The following NTM variants were observed in gnomAD, a reference collection of about 807,000 sequenced individuals.
NTM encodes neurotrimin.
NTM carries 13 observed loss-of-function variants against 42.1 expected under a neutral mutation model. The ratio of observed to expected loss-of-function variants is 0.31; its 90% CI spans 0.20 to 0.49. NTM has a LOEUF of 0.49. NTM is among the 20% of genes least tolerant of loss of function. NTM has a pLI of 0.99. For missense variants in NTM, 373 were observed against 452.8 expected (o/e 0.82, Z 1.60); for synonymous variants, 187 against 179.2 (o/e 1.04, Z -0.35).
chr11:131,703,839 A>G (rs548109015), intron 1 of NTM, among the ~76,000 whole-genome samples: 33 of 152,296 alleles, frequency 2.2e-4, no homozygotes, highest in Non-Finnish European at 1.2e-4. Flanking sequence ...ACCCAACACC[A>G]GGACAGCTCC....
intron 2 of NTM, among the ~76,000 whole-genome samples, chr11:132,084,381 T>C (rs1187435838): frequency 1.3e-5 from 2 of 152,178 alleles, no homozygotes; most frequent in Non-Finnish European, 2.9e-5. Flanking sequence ...TTTTGTGACA[T>C]ATACTAATAT....
intron 7 of NTM, chr11:132,317,536 C>T: frequency 4.8e-6 from 2 of 418,942 alleles, no homozygotes; most frequent in Admixed American, 3.4e-5. Context: ...TTTATATAAT[C>T]CCCCAGAAAT....
intron 1 of NTM, among the ~76,000 whole-genome samples, chr11:131,601,958 A>G (rs2060523924): frequency 6.6e-6 from 1 of 152,242 alleles, no homozygotes. Context: ...ACAGGGTGCC[A>G]TATGGTTCAA....
intron 1 of NTM, among the ~76,000 whole-genome samples, chr11:131,905,077 C>T (rs1262595133): frequency 1.3e-5 from 2 of 152,196 alleles, no homozygotes; most frequent in African/African-American, 4.8e-5. Flanking sequence ...TCCTTCCAGT[C>T]CCAGCATGAG....
intron 1 of NTM, among the ~76,000 whole-genome samples, chr11:131,699,712 G>A (rs776672046): frequency 6.6e-6 from 1 of 152,110 alleles, no homozygotes; most frequent in Non-Finnish European, 1.5e-5. Flanking sequence ...GCAGGAAAGA[G>A]AAGTGCCAAG....
intron 3 of NTM, among the ~76,000 whole-genome samples, chr11:132,208,659 T>A (rs552110672): frequency 6.6e-6 from 1 of 152,238 alleles, no homozygotes; most frequent in East Asian, 1.9e-4. Context: ...ATTAGCAGAT[T>A]ACCTATCATG....
chr11:131,705,174 A>C (rs2076470583), intron 1 of NTM, among the ~76,000 whole-genome samples: 1 of 152,204 alleles, frequency 6.6e-6, no homozygotes, highest in Non-Finnish European at 1.5e-5. Context: ...CATGAGGCAC[A>C]TTATAGTTAA....
At chr11:131,497,459 T>C (rs1300725802) in intron 1 of NTM, among the ~76,000 whole-genome samples, 1 of 152,132 alleles carries the variant, frequency 6.6e-6, no homozygotes, top group African/African-American at 2.4e-5. Context: ...AGTGCTGGGA[T>C]TACAGACTTG....
chr11:131,678,673 C>G (rs977429241), intron 1 of NTM, among the ~76,000 whole-genome samples: 3 of 152,232 alleles, frequency 2.0e-5, no homozygotes, highest in African/African-American at 7.2e-5. Context: ...TTCCTCTTCT[C>G]CCATCTCTTT....
At position 131,915,882 on chromosome 11, in the gene NTM, C is replaced by T. The variant is rs562072204; in HGVS notation, c.167+4234C>T. Among the ~76,000 whole-genome samples the T allele has an allele frequency of 1.8e-4, 28 of 152,270 alleles. No individual in the cohort carries two copies. The South Asian group carries it at 3.1e-3, about 17-fold the overall frequency. ...TGATTCAATTATCTCCCACTGGGTCCCTCCCACAACACATAGGAATTATGG... is the reference window on the plus strand; with the variant it reads ...TGATTCAATTATCTCCCACTGGGTCTCTCCCACAACACATAGGAATTATGG... On this transcript the variant is annotated intron_variant, in intron 2 of 8. Coordinates refer to ENST00000683400, the MANE Select transcript of NTM (RefSeq NM_001352005.2).
At chr11:131,762,272 G>T (rs544548025) in intron 1 of NTM, among the ~76,000 whole-genome samples, 1 of 152,190 alleles carries the variant, frequency 6.6e-6, no homozygotes, top group African/African-American at 2.4e-5. Flanking sequence ...CCTTAGAAAA[G>T]TTCCTATGGT....
At chr11:131,448,192 C>T (rs186808128) in intron 1 of NTM, among the ~76,000 whole-genome samples, 1 of 152,364 alleles carries the variant, frequency 6.6e-6, no homozygotes, top group African/African-American at 2.4e-5. Flanking sequence ...CTGTCCTGCG[C>T]TGAAGCCGCT....
At chr11:132,306,961 G>A (rs1485952074) in intron 4 of NTM, among the ~76,000 whole-genome samples, 1 of 152,100 alleles carries the variant, frequency 6.6e-6, no homozygotes, top group African/African-American at 2.4e-5. Context: ...ATTTTTCACT[G>A]AAGACAATGA....
intron 2 of NTM, among the ~76,000 whole-genome samples, chr11:132,096,131 T>A (rs574530498): frequency 6.6e-6 from 1 of 152,292 alleles, no homozygotes; most frequent in South Asian, 2.1e-4. Flanking sequence ...TCAACACCAT[T>A]CCATTGACTT....
chr11:131,445,600 G>A (rs373940134), intron 1 of NTM, among the ~76,000 whole-genome samples: 2 of 152,152 alleles, frequency 1.3e-5, no homozygotes, highest in Admixed American at 6.5e-5. Flanking sequence ...GAGTGTGGGA[G>A]CAGGAGAGAG....
chr11:132,278,785 T>TC (rs2093844888), intron 4 of NTM, among the ~76,000 whole-genome samples: 1 of 85,820 alleles, frequency 1.2e-5, no homozygotes, highest in Non-Finnish European at 2.6e-5. Flanking sequence ...CTCTCTCTCT[T>TC]TACTGCTTAA....
At chr11:132,255,945 CA>C (rs1483930253) in intron 4 of NTM, among the ~76,000 whole-genome samples, 1 of 152,132 alleles carries the variant, frequency 6.6e-6, no homozygotes, top group Non-Finnish European at 1.5e-5. Context: ...AAATCTGCTG[CA>C]AAACATCAGA....
chr11:131,807,649 G>A (rs1454744367), intron 1 of NTM, among the ~76,000 whole-genome samples: 2 of 152,174 alleles, frequency 1.3e-5, no homozygotes, highest in Admixed American at 1.3e-4. Context: ...AGTGTTCATG[G>A]TGGTTGTTGA....
chr11:131,881,257 A>T (rs997347542), intron 1 of NTM, among the ~76,000 whole-genome samples: 6 of 152,186 alleles, frequency 3.9e-5, no homozygotes, highest in African/African-American at 1.4e-4. Context: ...AAATTAAGAC[A>T]ATAAGGACAT....
Sources: allele counts gnomAD v4.1 joint callset (sites outside exome capture counted in the v4.1 genomes callset), GRCh38; gene constraint gnomAD v4.1.1; transcripts MANE v1.5; gene names NCBI Gene and HGNC (gene_info 2026-07-23, HGNC 2026-07-21).